Variants in HECW2 observed in about 807,000 individuals in gnomAD.
HECW2 encodes E3 ubiquitin-protein ligase HECW2.
Under a neutral mutation model 175.2 loss-of-function variants are expected in HECW2, and 61 were observed. The ratio of observed to expected loss-of-function variants is 0.35; its 90% CI spans 0.28 to 0.43. The LOEUF is 0.43. Among genes scored for constraint, HECW2 ranks in the 20% least tolerant of loss-of-function variants. HECW2 has a pLI of 1.00. For missense variants in HECW2, 1,524 were observed against 2,000.5 expected (o/e 0.76, Z 4.54); for synonymous variants, 671 against 731.0 (o/e 0.92, Z 1.32).
intron 23 of HECW2, among the ~76,000 whole-genome samples, chr2:196,222,947 T>C (rs939118402): frequency 1.3e-5 from 2 of 152,198 alleles, no homozygotes; most frequent in South Asian, 2.1e-4. Context: ...CTTTTTTTAA[T>C]TGTAGAGAAA....
intron 5 of HECW2, among the ~76,000 whole-genome samples, chr2:196,328,602 C>T (rs6718675): frequency 0.019 from 2,872 of 150,656 alleles, 106 homozygotes; most frequent in African/African-American, 0.067. Context: ...TCTCACAACA[C>T]GTTTTTTGTT....
At chr2:196,488,550 T>C (rs1220711647) in intron 1 of HECW2, among the ~76,000 whole-genome samples, 1 of 152,060 alleles carries the variant, frequency 6.6e-6, no homozygotes, top group Middle Eastern at 3.2e-3. Context: ...ACTATACCAC[T>C]ATATCTTGTT....
chr2:196,325,777 A>G (rs947075320), intron 5 of HECW2, among the ~76,000 whole-genome samples: 10 of 152,356 alleles, frequency 6.6e-5, no homozygotes, highest in African/African-American at 1.9e-4. Context: ...TGTAAGTGCT[A>G]CCTGCTATTT....
chr2:196,234,472 T>C (rs532108681), intron 21 of HECW2, among the ~76,000 whole-genome samples: 1 of 152,118 alleles, frequency 6.6e-6, no homozygotes, highest in African/African-American at 2.4e-5. Context: ...TTTATTTATT[T>C]TTTATAGAAA....
chr2:196,365,225 CA>C (rs1158384093), intron 2 of HECW2, among the ~76,000 whole-genome samples: 1 of 152,186 alleles, frequency 6.6e-6, no homozygotes, highest in Non-Finnish European at 1.5e-5. Flanking sequence ...CAGGGAAGAG[CA>C]AAGACACAGT....
chr2:196,227,694 G>T (rs188267277), intron 22 of HECW2, among the ~76,000 whole-genome samples: 76 of 152,290 alleles, frequency 5.0e-4, no homozygotes, highest in African/African-American at 1.6e-3. Context: ...TGCCCCAAGG[G>T]CTGCTCTAGA....
chr2:196,221,735 T>C (rs1271503521), intron 24 of HECW2, among the ~76,000 whole-genome samples: 1 of 152,110 alleles, frequency 6.6e-6, no homozygotes, highest in Admixed American at 6.6e-5. Context: ...AATTTTTGTA[T>C]TTTTTGTAGA....
chr2:196,423,015 A>C (rs1463461381), intron 2 of HECW2, among the ~76,000 whole-genome samples: 2 of 152,120 alleles, frequency 1.3e-5, no homozygotes, highest in Non-Finnish European at 2.9e-5. Context: ...TGCTTATATA[A>C]TTTCTAGAGC....
chr2:196,576,020 G>A (rs1484582456), intron 1 of HECW2, among the ~76,000 whole-genome samples: 3 of 152,122 alleles, frequency 2.0e-5, no homozygotes, highest in Non-Finnish European at 4.4e-5. Context: ...ATGAGATTTG[G>A]AGGGAACAAA....
intron 1 of HECW2, among the ~76,000 whole-genome samples, chr2:196,528,909 G>A (rs570073192): frequency 4.3e-4 from 65 of 152,320 alleles, no homozygotes; most frequent in Non-Finnish European, 7.6e-4. Flanking sequence ...TTAGTGAAAT[G>A]CTCCAAAAAC....
chr2:196,504,333 A>C (rs1171347638), intron 1 of HECW2, among the ~76,000 whole-genome samples: 1 of 151,038 alleles, frequency 6.6e-6, no homozygotes, highest in East Asian at 1.9e-4. Context: ...AGGCCATGCA[A>C]TGACTGGCTA....
chr2:196,362,250 G>A lies in HECW2; in HGVS notation c.293-18486C>T, dbSNP rs1476015312. On this transcript the variant is annotated intron_variant, in intron 2 of 28. Coordinates refer to ENST00000644978, the MANE Select transcript of HECW2 (RefSeq NM_001348768.2). ...CCTGTAAAGGGTACAGGATGCAATC[G>A]CCCCATCCTCCCCTCAGCTTCCTTC... The A allele has an allele frequency of 2.4e-5, 23 of 950,242 alleles. 1 individual carries two copies. The Middle Eastern group carries it at 1.6e-3, about 66-fold the overall frequency. The allele number at this position is 950,242 out of a possible 1,614,324, so 58.9% of individuals were successfully genotyped here. A position where few individuals can be genotyped will look rare whatever the true frequency, so the allele number is the denominator to read the frequency against.
chr2:196,545,197 A>G (rs1318183013), intron 1 of HECW2, among the ~76,000 whole-genome samples: 4 of 152,310 alleles, frequency 2.6e-5, no homozygotes, highest in African/African-American at 7.2e-5. Flanking sequence ...CGAAATCACA[A>G]AATTTTACCT....
rs977575406 is a variant in HECW2, at chr2:196,283,514, T to C, written c.3001-4852A>G. ...CCTCCACCTCCCAAGTAGCTGGAAT[T>C]ACAGGCACGCACCACCACGCTACCA... is the stretch of plus-strand genomic sequence containing the variant. On this transcript the variant is annotated intron_variant, in intron 14 of 28. Coordinates refer to ENST00000644978, the MANE Select transcript of HECW2 (RefSeq NM_001348768.2). Among the ~76,000 whole-genome samples, 3 of 151,696 alleles carry C rather than the reference T, an allele frequency of 2.0e-5. No individual in the cohort carries two copies. In the East Asian group the frequency reaches 5.9e-4, roughly 30 times the overall value.
At chr2:196,370,101 T>A (rs925001000) in intron 2 of HECW2, among the ~76,000 whole-genome samples, 1 of 151,892 alleles carries the variant, frequency 6.6e-6, no homozygotes, top group Non-Finnish European at 1.5e-5. Context: ...TCCCTCCCCT[T>A]AGCTGCCACA....
intron 2 of HECW2, among the ~76,000 whole-genome samples, chr2:196,411,387 C>T (rs1475655079): frequency 6.6e-6 from 1 of 152,038 alleles, no homozygotes; most frequent in Non-Finnish European, 1.5e-5. Flanking sequence ...CTAAAGGTAA[C>T]AATTATTTTC....
intron 2 of HECW2, among the ~76,000 whole-genome samples, chr2:196,401,561 CA>C (rs1559089278): frequency 1.3e-5 from 2 of 152,080 alleles, no homozygotes; most frequent in Non-Finnish European, 2.9e-5. Context: ...AACGCTACCT[CA>C]AAAAATATGG....
intron 2 of HECW2, among the ~76,000 whole-genome samples, chr2:196,392,048 C>T (rs35019503): frequency 0.58 from 88,660 of 152,066 alleles, 29,252 homozygotes; most frequent in East Asian, 0.84. Context: ...ACCCTACTTC[C>T]AAGCAAGGTC....
intron 14 of HECW2, among the ~76,000 whole-genome samples, chr2:196,287,078 T>A (rs1336811000): frequency 6.6e-6 from 1 of 152,200 alleles, no homozygotes; most frequent in African/African-American, 2.4e-5. Context: ...CTGTGGTACT[T>A]TCTACCCTAC....
Sources: allele counts gnomAD v4.1 joint callset (sites outside exome capture counted in the v4.1 genomes callset), GRCh38; gene constraint gnomAD v4.1.1; transcripts MANE v1.5; gene names NCBI Gene and HGNC (gene_info 2026-07-23, HGNC 2026-07-21).